The following RGS7 variants were observed in gnomAD, a reference collection of about 807,000 sequenced individuals.
RGS7 encodes regulator of G protein signaling 7.
Under a neutral mutation model 81.1 loss-of-function variants are expected in RGS7, and 27 were observed. The ratio of observed to expected loss-of-function variants is 0.33; its 90% confidence interval spans 0.25 to 0.46. RGS7 has a LOEUF of 0.46. Ranked by LOEUF, RGS7 falls within the 20% of genes least tolerant of loss-of-function variation. RGS7 has a pLI of 1.00. For missense variants in RGS7, 396 were observed against 607.4 expected (o/e 0.65, Z 3.66); for synonymous variants, 208 against 207.7 (o/e 1.00, Z -0.01).
At chr1:240,810,122 G>A (rs1387346646) in intron 14 of RGS7, among the ~76,000 whole-genome samples, 2 of 152,096 alleles carry the variant, frequency 1.3e-5, no homozygotes, top group African/African-American at 2.4e-5. Flanking sequence ...GCCTAGAAGC[G>A]ATTTCCCCTA....
intron 2 of RGS7, among the ~76,000 whole-genome samples, chr1:241,235,682 T>C (rs758537613): frequency 7.1e-5 from 2 of 28,180 alleles, no homozygotes; most frequent in Admixed American, 3.2e-4. Flanking sequence ...CTCTCTTTCT[T>C]TCTCTCTCTC....
intron 2 of RGS7, among the ~76,000 whole-genome samples, chr1:241,343,600 A>G (rs184947632): frequency 1.5e-4 from 23 of 152,352 alleles, no homozygotes; most frequent in Admixed American, 7.2e-4. Context: ...AGCCAGTCAA[A>G]AAAGAATAAA....
At chr1:241,238,709 C>T (rs1451040896) in intron 2 of RGS7, among the ~76,000 whole-genome samples, 1 of 151,664 alleles carries the variant, frequency 6.6e-6, no homozygotes, top group African/African-American at 2.4e-5. Flanking sequence ...TACTAAGCTA[C>T]TAACCCTCTC....
rs567157415 is a variant in RGS7 at position 241,076,625 on chromosome 1, T to G, written c.175+22041A>C. On this transcript the variant is annotated intron_variant, in intron 3 of 18. Transcript: ENST00000440928. Reference sequence around the variant, plus strand: ...TAGACCTAAAATCACACTAGTGATCTTTGGACTTAATTTAGTGTTCATTCA... The same window carrying G: ...TAGACCTAAAATCACACTAGTGATCGTTGGACTTAATTTAGTGTTCATTCA... 7.2e-5 allele frequency among the ~76,000 whole-genome samples: 11 copies of G among 152,308 alleles called. No homozygotes were observed. The East Asian group carries it at 1.9e-3, about 27-fold the overall frequency.
At chr1:241,250,184 A>G (rs967258044) in intron 2 of RGS7, among the ~76,000 whole-genome samples, 1 of 152,190 alleles carries the variant, frequency 6.6e-6, no homozygotes, top group African/African-American at 2.4e-5. Flanking sequence ...GAATGTTATC[A>G]AAGTGTTATT....
intron 3 of RGS7, among the ~76,000 whole-genome samples, chr1:240,996,585 A>G (rs1687322098): frequency 2.0e-5 from 3 of 152,110 alleles, no homozygotes; most frequent in African/African-American, 7.2e-5. Context: ...CCTTGTGGTG[A>G]CGTCTGCTTC....
At chr1:241,185,538 C>T (rs914627246) in intron 2 of RGS7, among the ~76,000 whole-genome samples, 2 of 152,094 alleles carry the variant, frequency 1.3e-5, no homozygotes, top group African/African-American at 4.8e-5. Flanking sequence ...ACAGAATATA[C>T]ATTTTTTTCA....
At chr1:240,854,215 C>G (rs571303031) in intron 9 of RGS7, among the ~76,000 whole-genome samples, 74 of 152,302 alleles carry the variant, frequency 4.9e-4, no homozygotes, top group African/African-American at 1.5e-3. Context: ...AGATCACGGA[C>G]TTTGATCATG....
intron 18 of RGS7, among the ~76,000 whole-genome samples, chr1:240,781,369 G>GC (rs1188146907): frequency 4.6e-5 from 7 of 152,188 alleles, no homozygotes; most frequent in Non-Finnish European, 8.8e-5. Context: ...ACTTTGGGAG[G>GC]CCAAGGCTGG....
At chr1:240,809,443 T>C (rs184947647) in intron 14 of RGS7, among the ~76,000 whole-genome samples, 69 of 152,314 alleles carry the variant, frequency 4.5e-4, no homozygotes, top group African/African-American at 1.6e-3. Context: ...TGGACCATTT[T>C]GTCTCCTTCA....
chr1:241,132,929 A>AT (rs2067225307), intron 2 of RGS7, among the ~76,000 whole-genome samples: 1 of 151,802 alleles, frequency 6.6e-6, no homozygotes, highest in African/African-American at 2.4e-5. Flanking sequence ...AGCCCGGCTA[A>AT]TTTTTTGTAT....
chr1:240,934,915 G>C (rs1255442470), intron 5 of RGS7, among the ~76,000 whole-genome samples: 1 of 90,256 alleles, frequency 1.1e-5, no homozygotes, highest in African/African-American at 4.8e-5. Flanking sequence ...TTGAGACTGA[G>C]TCTCGCTCTG....
chr1:240,820,444 G>C (rs1691562839), intron 10 of RGS7, among the ~76,000 whole-genome samples: 1 of 151,586 alleles, frequency 6.6e-6, no homozygotes, highest in Admixed American at 6.6e-5. Context: ...AAGAGAACTA[G>C]AAAAATTATC....
intron 9 of RGS7, among the ~76,000 whole-genome samples, chr1:240,853,712 C>T (rs1377461370): frequency 6.6e-6 from 1 of 151,880 alleles, no homozygotes; most frequent in Admixed American, 6.6e-5. Flanking sequence ...ACCATACGGG[C>T]TAACACGGTG....
At chr1:240,952,317 A>T (rs1256664429) in intron 4 of RGS7, among the ~76,000 whole-genome samples, 1 of 152,084 alleles carries the variant, frequency 6.6e-6, no homozygotes. Flanking sequence ...ATTATAAAAT[A>T]TGGATAAGTG....
rs995632655 is a variant in RGS7 at position 240,803,937 on chromosome 1, G to T, written c.1270-944C>A. Among the ~76,000 whole-genome samples, 6 of 151,740 alleles carry T rather than the reference G, an allele frequency of 4.0e-5. 1 individual carries two copies. The South Asian group carries it at 1.2e-3, about 32-fold the overall frequency. ...GTCTTAAACACAACAGCAATAATTT[G>T]AAGTTACTTTAAATTCATTTAAAGA... On this transcript the variant is annotated intron_variant, in intron 15 of 18. Transcript: ENST00000440928.
At chr1:240,972,264 T>C (rs1013545214) in intron 4 of RGS7, among the ~76,000 whole-genome samples, 1 of 151,746 alleles carries the variant, frequency 6.6e-6, no homozygotes, top group Non-Finnish European at 1.5e-5. Flanking sequence ...TATTGCGGCA[T>C]TATTCACAAT....
In RGS7 at chr1:241,123,910, T is replaced by C. The variant is rs189952957; in HGVS notation, c.79-25148A>G. Among the ~76,000 whole-genome samples, 245 of 152,294 alleles carry C rather than the reference T, an allele frequency of 1.6e-3. 1 individual carries two copies. Among genetic ancestry groups the C allele is most frequent in the Non-Finnish European group, 1.7e-3 (119 of 68,024 alleles). On this transcript the variant is annotated intron_variant, in intron 2 of 18. Coordinates refer to ENST00000440928, the MANE Select transcript of RGS7 (RefSeq NM_001364886.1). ...TCCACCCTCACCTTAGAAGAGGGCCTGCCCCTGGAGAAGCAGGAGAATGTG... is the reference window on the plus strand; with the variant it reads ...TCCACCCTCACCTTAGAAGAGGGCCCGCCCCTGGAGAAGCAGGAGAATGTG...
Position 241,163,098 on chromosome 1 carries a change from C to T in RGS7, c.79-64336G>A, listed in dbSNP as rs919498189. 7.2e-5 allele frequency among the ~76,000 whole-genome samples: 11 copies of T among 152,134 alleles called. No homozygotes were observed. The highest frequency in any genetic ancestry group is 2.9e-5 in the Non-Finnish European group (2 of 68,024). On this transcript the variant is annotated intron_variant, in intron 2 of 18. Coordinates refer to ENST00000440928, the MANE Select transcript of RGS7 (RefSeq NM_001364886.1). This position sits in a 1 kb window ranked among gnomAD's most constrained non-coding sequence, Gnocchi z 4.6. The stretch of plus-strand genomic sequence containing the variant: ...GTGTCAGATTAAGCAGAGACAGGCT[C>T]CGTGGCCAGGAAGGCATAACCATTT...
Sources: gnomAD v4.1 joint callset for allele counts (sites outside exome capture counted in the v4.1 genomes callset) on GRCh38, gnomAD v4.1.1 for gene constraint, Gnocchi (gnomAD v3.1) non-coding constraint, MANE v1.5 for transcripts, NCBI Gene and HGNC (gene_info 2026-07-23, HGNC 2026-07-21) for gene names.